Variants in TCN1 observed in about 807,000 individuals in gnomAD.
TCN1 encodes the protein transcobalamin 1.
A neutral mutation model predicts 46.3 loss-of-function variants in TCN1; 47 were observed. The ratio of observed to expected loss-of-function variants is 1.01; its 90% CI spans 0.80 to 1.29. TCN1 has a LOEUF of 1.29. TCN1 is among the 50% of genes most tolerant of loss of function. TCN1 has a pLI of 0.00. For synonymous variants in TCN1, 183 were observed against 192.5 expected (o/e 0.95, Z 0.41); for missense variants, 532 against 511.0 (o/e 1.04, Z -0.40).
intron 1 of TCN1, among the ~76,000 whole-genome samples, chr11:59,866,154 T>A (rs999290545): frequency 6.6e-6 from 1 of 152,102 alleles, no homozygotes; most frequent in Non-Finnish European, 1.5e-5. Flanking sequence ...CTAGAGAGGA[T>A]CTGAGCATAG....
intron 5 of TCN1, among the ~76,000 whole-genome samples, 173 bp downstream of exon 5, chr11:59,858,904 G>C (rs1160437690): frequency 3.3e-5 from 5 of 152,156 alleles, no homozygotes; most frequent in African/African-American, 1.2e-4. Context: ...TCAGGAGGCT[G>C]AGGCAGGAGA....
rs1046979990 is a variant in TCN1 at position 59,861,803 on chromosome 11, A to G, written c.401-121T>C. On this transcript the variant is annotated intron_variant, in intron 3 of 8. Coordinates refer to ENST00000257264, the MANE Select transcript of TCN1 (RefSeq NM_001062.4). Reference sequence around the variant, plus strand: ...CATTTAAGGAAAGGTGGCTAATAGAAGGGGGAGGTCACCCATAGAATCAGA... The same window carrying G: ...CATTTAAGGAAAGGTGGCTAATAGAGGGGGGAGGTCACCCATAGAATCAGA... 7 of 1,147,720 alleles carry G rather than the reference A, an allele frequency of 6.1e-6. No homozygotes were observed. The Admixed American group carries it at 1.2e-4, about 20-fold the overall frequency. The allele number at this position is 1,147,720 out of a possible 1,614,324, so 71.1% of individuals were successfully genotyped here. A position where few individuals can be genotyped will look rare whatever the true frequency, so the allele number is the denominator to read the frequency against.
intron 1 of TCN1, 118 bp downstream of exon 1, chr11:59,866,274 C>G (rs911916265): frequency 4.0e-6 from 4 of 1,011,512 alleles, no homozygotes; most frequent in Non-Finnish European, 1.5e-6. Flanking sequence ...TTCATGGAGT[C>G]CAACCACATA....
intron 5 of TCN1, among the ~76,000 whole-genome samples, chr11:59,856,787 C>A (rs1426696756): frequency 1.3e-5 from 2 of 152,142 alleles, no homozygotes; most frequent in Admixed American, 6.5e-5. Flanking sequence ...TGTCTGACCT[C>A]ATTTGATTGA....
intron 1 of TCN1, among the ~76,000 whole-genome samples, chr11:59,865,213 G>GT (rs1372835438): frequency 6.6e-6 from 1 of 152,120 alleles, no homozygotes; most frequent in Non-Finnish European, 1.5e-5. Context: ...AAAGGTCATG[G>GT]TTTGTTGCAG....
intron 5 of TCN1, among the ~76,000 whole-genome samples, chr11:59,857,425 G>A (rs962963258): frequency 2.0e-4 from 31 of 152,274 alleles, no homozygotes; most frequent in African/African-American, 7.2e-4. Flanking sequence ...AACATAAATA[G>A]TAACAACAAC....
intron 5 of TCN1, 25 bp from the exon 6 acceptor site, chr11:59,856,083 G>GGGGGGA: frequency 7.9e-7 from 1 of 1,265,344 alleles, no homozygotes; most frequent in Non-Finnish European, 1.1e-6. Context: ...TGGGGTGGGG[G>GGGGGGA]GGTGATGAGA....
chr11:59,853,338 G>A lies in TCN1; in HGVS notation c.1122-17C>T. 1.9e-6 allele frequency: 3 copies of A among 1,606,332 alleles called. No homozygotes were observed. The highest frequency in any genetic ancestry group is 2.6e-6 in the Non-Finnish European group (3 of 1,172,872). ...ATTGTGAAACTGTGGGTGACAGCAA[G>A]TAGGTTACTGGAACTTAGAATTGTC... On this transcript the variant is annotated splice_polypyrimidine_tract_variant and intron_variant, in intron 7 of 8. Coordinates refer to ENST00000257264, the MANE Select transcript of TCN1 (RefSeq NM_001062.4).
At chr11:59,856,937 TG>T (rs1852950086) in intron 5 of TCN1, among the ~76,000 whole-genome samples, 1 of 152,054 alleles carries the variant, frequency 6.6e-6, no homozygotes, top group Non-Finnish European at 1.5e-5. Context: ...AGGAGGGCAT[TG>T]GGGTAAGCAA....
chr11:59,862,939 G>A (rs1446593528), intron 2 of TCN1, among the ~76,000 whole-genome samples: 1 of 152,088 alleles, frequency 6.6e-6, no homozygotes, highest in East Asian at 1.9e-4. Context: ...CAACCTAGAT[G>A]GTATAGTTGA....
intron 2 of TCN1, among the ~76,000 whole-genome samples, chr11:59,863,051 A>G (rs1853034301): frequency 6.6e-6 from 1 of 152,184 alleles, no homozygotes; most frequent in African/African-American, 2.4e-5. Flanking sequence ...GCCCAATAGT[A>G]TTTGTGTATC....
chr11:59,857,386 T>G (rs1419986027), intron 5 of TCN1, among the ~76,000 whole-genome samples: 1 of 152,140 alleles, frequency 6.6e-6, no homozygotes, highest in African/African-American at 2.4e-5. Flanking sequence ...GCAGTTTATA[T>G]TCAGTTCAAA....
At position 59,861,650 on chromosome 11, in the gene TCN1, A is replaced by C. The variant is rs749793610; in HGVS notation, c.433T>G (p.Tyr145Asp). ...AHNGTPLTNY[Y>D]QLSLDVLALC... ...GCCAAAACGTCCAGGCTGAGCTGGT[A>C]GTAGTTAGTCAGGGGAGTGCCATTG... The change falls in exon 4 of 9, where the codon TAC (tyrosine) becomes GAC (aspartate). Residue 145 changes from tyrosine to aspartate, a missense_variant. Physicochemically the swap from Tyr to Asp is radical, Grantham distance 160. Coordinates refer to ENST00000257264, the MANE Select transcript of TCN1 (RefSeq NM_001062.4). 1.9e-6 allele frequency: 3 copies of C among 1,614,144 alleles called. No individual in the cohort carries two copies. The highest frequency in any genetic ancestry group is 3.3e-5 in the Admixed American group (2 of 60,028).
At chr11:59,863,819 T>C (rs1338386477) in intron 2 of TCN1, 88 bp downstream of exon 2, 30 of 1,458,914 alleles carry the variant, frequency 2.1e-5, no homozygotes, top group Middle Eastern at 2.1e-4. Flanking sequence ...AGGGATACTT[T>C]GGATGCATAA....
At chr11:59,858,556 T>A (rs1437113155) in intron 5 of TCN1, among the ~76,000 whole-genome samples, 1 of 152,000 alleles carries the variant, frequency 6.6e-6, no homozygotes, top group Non-Finnish European at 1.5e-5. Flanking sequence ...TATGGGGAAG[T>A]AAAGCTGAAG....
At chr11:59,863,859 A>T in intron 2 of TCN1, 48 bp downstream of exon 2, 1 of 1,605,712 alleles carries the variant, frequency 6.2e-7, no homozygotes, top group South Asian at 1.1e-5. Flanking sequence ...GATAATCTTT[A>T]AATAGGTAGA....
chr11:59,862,831 C>G, intron 2 of TCN1, 109 bp from the exon 3 acceptor site: 2 of 1,239,528 alleles, frequency 1.6e-6, no homozygotes, highest in Non-Finnish European at 2.3e-6. Context: ...CTGTTGCGCT[C>G]TATACAGTCT....
In TCN1 at chr11:59,866,414, T is replaced by G. The variant is rs1305057060; in HGVS notation, c.57A>C (p.Pro19=). The change falls in exon 1 of 9, where the codon CCA becomes CCC. Residue 19 remains proline, a synonymous_variant. Transcript: ENST00000257264. ...LVGLLLFSFI[P]SQLCEICEVS... The stretch of plus-strand genomic sequence containing the variant: ...CACCACAAATCTCGCATAGTTGGCT[T>G]GGAATAAAAGAAAACAGTAAGAGCC... The G allele has an allele frequency of 1.2e-6, 2 of 1,613,410 alleles. No homozygotes were observed. Among genetic ancestry groups the G allele is most frequent in the African/African-American group, 2.7e-5 (2 of 74,894 alleles).
intron 7 of TCN1, 91 bp downstream of exon 7, chr11:59,854,561 A>T: frequency 1.4e-6 from 2 of 1,397,216 alleles, no homozygotes; most frequent in Admixed American, 1.7e-5. Context: ...AAGCATTTTA[A>T]ATATACTTTG....
Sources: allele counts gnomAD v4.1 joint callset (sites outside exome capture counted in the v4.1 genomes callset), GRCh38; gene constraint gnomAD v4.1.1; transcripts MANE v1.5; gene names NCBI Gene and HGNC (gene_info 2026-07-23, HGNC 2026-07-21).